CPVL: variants seen among roughly 807,000 people sequenced by gnomAD.
CPVL encodes probable serine carboxypeptidase CPVL.
A neutral mutation model predicts 63.7 loss-of-function variants in CPVL; 51 were observed. The observed-to-expected ratio is 0.80, with a 90% CI of 0.64 to 1.01. The LOEUF is 1.01. CPVL is among the 50% of genes least tolerant of loss of function. The pLI, the probability that CPVL is intolerant of heterozygous loss-of-function variation, is 0.00. For missense variants in CPVL, 530 were observed against 573.1 expected, an observed-to-expected ratio of 0.92 and a Z score of 0.77; for synonymous variants, 195 against 206.0, an observed-to-expected ratio of 0.95 and a Z score of 0.46.
At chr7:29,044,585 C>T (rs994616417) in intron 11 of CPVL, among the ~76,000 whole-genome samples, 15 of 152,236 alleles carry the variant, frequency 9.9e-5, no homozygotes, top group Admixed American at 6.5e-4. Flanking sequence ...AAAACATCTA[C>T]GTCGACTTTT....
intron 9 of CPVL, among the ~76,000 whole-genome samples, chr7:29,070,935 A>G (rs1783668811): frequency 6.6e-6 from 1 of 152,228 alleles, no homozygotes; most frequent in Non-Finnish European, 1.5e-5. Flanking sequence ...CAATAACGAC[A>G]TTAGATATAC....
intron 5 of CPVL, among the ~76,000 whole-genome samples, chr7:29,169,913 GT>G (rs1208556131): frequency 2.0e-5 from 3 of 151,608 alleles, no homozygotes; most frequent in Admixed American, 2.0e-4. Context: ...TTGCTGCTCT[GT>G]TGCTCAGGCT....
chr7:29,136,554 C>T (rs1486364529), intron 1 of CPVL, among the ~76,000 whole-genome samples: 2 of 151,800 alleles, frequency 1.3e-5, no homozygotes, highest in Admixed American at 1.3e-4. Context: ...AACCCTAAAA[C>T]CAATAAATCA....
At chr7:29,079,977 A>C (rs370792454) in intron 7 of CPVL, among the ~76,000 whole-genome samples, 3 of 152,184 alleles carry the variant, frequency 2.0e-5, no homozygotes, top group South Asian at 2.1e-4. Context: ...CAGATGGAAG[A>C]AGCATGGAGA....
intron 5 of CPVL, among the ~76,000 whole-genome samples, chr7:29,152,395 C>T (rs1426059698): frequency 6.6e-6 from 1 of 152,158 alleles, no homozygotes; most frequent in Non-Finnish European, 1.5e-5. Context: ...AGCCAGTCCC[C>T]AGGTCTCTTT....
intron 11 of CPVL, among the ~76,000 whole-genome samples, chr7:29,047,502 A>G (rs1219327278): frequency 2.0e-5 from 3 of 152,184 alleles, no homozygotes; most frequent in Admixed American, 6.5e-5. Context: ...TTTAAAAAAT[A>G]AGAAAATATG....
intron 5 of CPVL, among the ~76,000 whole-genome samples, chr7:29,157,669 A>G (rs1794595621): frequency 6.6e-6 from 1 of 152,224 alleles, no homozygotes; most frequent in Non-Finnish European, 1.5e-5. Context: ...CATTGGAGAT[A>G]AATCCTACTC....
chr7:29,188,966 T>TC (rs1799052726), intron 1 of CPVL, among the ~76,000 whole-genome samples: 1 of 150,758 alleles, frequency 6.6e-6, no homozygotes, highest in Admixed American at 6.6e-5. Context: ...TTTTTTTTTT[T>TC]GAGACAGAAT....
At chr7:29,123,794 CT>C (rs1355815709) in intron 1 of CPVL, among the ~76,000 whole-genome samples, 1 of 149,904 alleles carries the variant, frequency 6.7e-6, no homozygotes, top group East Asian at 1.9e-4. Flanking sequence ...CCCTAGCTCC[CT>C]TTAATGGAAG....
intron 1 of CPVL, among the ~76,000 whole-genome samples, chr7:29,125,921 G>GGACCTTGGTAA (rs1441136361): frequency 1.3e-5 from 2 of 152,160 alleles, no homozygotes; most frequent in African/African-American, 4.8e-5. Context: ...ACTCATCCGA[G>GGACCTTGGTAA]GACCTTGGTA....
At chr7:29,143,889 T>C (rs1792167578) in intron 1 of CPVL, among the ~76,000 whole-genome samples, 1 of 152,238 alleles carries the variant, frequency 6.6e-6, no homozygotes. Flanking sequence ...TTCAAGGTTA[T>C]ACCTCTAATA....
rs367665120 is a variant in CPVL at position 29,125,487 on chromosome 7, G to A, written c.-10-4416C>T. 3.6e-4 allele frequency among the ~76,000 whole-genome samples: 54 copies of A among 150,260 alleles called. No individual in the cohort carries two copies. In the East Asian group the frequency reaches 7.1e-3, roughly 20 times the overall value. ...AGCTCACTACAACCTCCGCCTCCTC[G>A]GTTCAAGCGATTCTCTTGCCTCAGC... On this transcript the variant is annotated intron_variant, in intron 1 of 12. Coordinates refer to ENST00000265394, the MANE Select transcript of CPVL (RefSeq NM_031311.5).
chr7:29,026,861 C>G (rs774444310), intron 12 of CPVL, among the ~76,000 whole-genome samples: 1 of 152,068 alleles, frequency 6.6e-6, no homozygotes, highest in Non-Finnish European at 1.5e-5. Flanking sequence ...ATTCTCCCAA[C>G]AAAGGAAAGT....
intron 12 of CPVL, chr7:29,012,140 T>C (rs1456379438): frequency 6.6e-6 from 1 of 152,076 alleles, no homozygotes. Flanking sequence ...AATACTGAGC[T>C]TACTTATAAT....
chr7:29,063,961 A>G (rs1026297552), intron 11 of CPVL, 100 bp downstream of exon 11: 1 of 772,018 alleles, frequency 1.3e-6, no homozygotes, highest in Non-Finnish European at 2.1e-6. Context: ...ACACATCATA[A>G]AAGTTAAAAA....
At position 29,121,091 on chromosome 7, in the gene CPVL, C is replaced by T; in HGVS notation, c.-10-20G>A. The T allele has an allele frequency of 6.5e-7, 1 of 1,549,816 alleles. No homozygotes were observed. Among genetic ancestry groups the T allele is most frequent in the South Asian group, 1.2e-5 (1 of 82,730 alleles). ...CAGGGTCTAGGATAAAAACAGCATT[C>T]CAAAAATGAATCATAAGAGTAAATA... On this transcript the variant is annotated intron_variant, in intron 1 of 12. Transcript: ENST00000265394.
At chr7:29,079,038 C>A (rs1462772250) in intron 7 of CPVL, among the ~76,000 whole-genome samples, 2 of 152,190 alleles carry the variant, frequency 1.3e-5, no homozygotes, top group African/African-American at 4.8e-5. Flanking sequence ...ATTCCAAAGA[C>A]TTCAAGTCCT....
chr7:29,131,236 T>G (rs1312471703), intron 1 of CPVL, among the ~76,000 whole-genome samples: 11 of 151,896 alleles, frequency 7.2e-5, no homozygotes, highest in African/African-American at 2.7e-4. Context: ...CTACTATAAT[T>G]AGCATTTTCA....
intron 5 of CPVL, among the ~76,000 whole-genome samples, chr7:29,151,687 T>C (rs544693612): frequency 6.6e-6 from 1 of 152,342 alleles, no homozygotes; most frequent in African/African-American, 2.4e-5. Flanking sequence ...ATTAAGGGCA[T>C]GGCCTTAGGA....
Sources: allele counts gnomAD v4.1 joint callset (sites outside exome capture counted in the v4.1 genomes callset), GRCh38; gene constraint gnomAD v4.1.1; transcripts MANE v1.5; gene names NCBI Gene and HGNC (gene_info 2026-07-23, HGNC 2026-07-21).